Variants in NTRK2 observed in about 807,000 individuals in gnomAD.
NTRK2 encodes the protein BDNF/NT-3 growth factors receptor.
A neutral mutation model predicts 94.5 loss-of-function variants in NTRK2; 13 were observed. That is an observed-to-expected ratio of 0.14 (90% CI 0.09 to 0.22). NTRK2 has a LOEUF of 0.22. Ranked by LOEUF, NTRK2 falls within the 10% of genes least tolerant of loss-of-function variation. The pLI is 1.00. For synonymous variants in NTRK2, 372 were observed against 407.4 expected, an observed-to-expected ratio of 0.91 and a Z score of 1.05; for missense variants, 639 against 1,071.2, an observed-to-expected ratio of 0.60 and a Z score of 5.63.
At chr9:84,703,744 A>G (rs541383564) in intron 4 of NTRK2, among the ~76,000 whole-genome samples, 1 of 152,354 alleles carries the variant, frequency 6.6e-6, no homozygotes, top group Admixed American at 6.5e-5. Context: ...GTAAATTAAG[A>G]CATAAAACAT....
chr9:84,683,751 TG>T (rs1294484324), intron 2 of NTRK2, among the ~76,000 whole-genome samples: 1 of 152,196 alleles, frequency 6.6e-6, no homozygotes, highest in Non-Finnish European at 1.5e-5. Context: ...ACTAGATCCT[TG>T]AGGAATCACC....
intron 11 of NTRK2, among the ~76,000 whole-genome samples, chr9:84,748,942 A>T (rs1042274855): frequency 6.6e-6 from 1 of 152,146 alleles, no homozygotes; most frequent in Non-Finnish European, 1.5e-5. Context: ...ACGGAGTTAG[A>T]TCTGTATTGG....
intron 2 of NTRK2, among the ~76,000 whole-genome samples, chr9:84,674,491 A>G (rs1367304904): frequency 6.6e-6 from 1 of 152,160 alleles, no homozygotes; most frequent in African/African-American, 2.4e-5. Flanking sequence ...AAATCCTGGC[A>G]TTCACAAAGA....
intron 14 of NTRK2, among the ~76,000 whole-genome samples, chr9:84,897,039 T>A (rs1449660710): frequency 6.6e-6 from 1 of 152,154 alleles, no homozygotes; most frequent in East Asian, 1.9e-4. Flanking sequence ...ATTCAACATA[T>A]GAGGCAACCA....
At chr9:84,890,717 A>G (rs1459439369) in intron 14 of NTRK2, among the ~76,000 whole-genome samples, 1 of 152,220 alleles carries the variant, frequency 6.6e-6, no homozygotes, top group Non-Finnish European at 1.5e-5. Flanking sequence ...GAATGCCATG[A>G]TTAAAAAATG....
rs535249584 is a variant in NTRK2 at position 84,678,794 on chromosome 9, C to T, written c.212+7834C>T. On this transcript the variant is annotated intron_variant, in intron 2 of 18. Coordinates refer to ENST00000277120, the MANE Select transcript of NTRK2 (RefSeq NM_006180.6). ...ACCAGAACACTCTTTTTAGTTTACT[C>T]CCAATTTTACTTCAAAACCCTGCTG... is the stretch of plus-strand genomic sequence containing the variant. Among the ~76,000 whole-genome samples the T allele has an allele frequency of 3.7e-4, 57 of 152,198 alleles. 1 individual carries two copies. Among genetic ancestry groups the T allele is most frequent in the Non-Finnish European group, 7.5e-4 (51 of 68,016 alleles).
chr9:84,789,520 T>A (rs1310186806), intron 12 of NTRK2, among the ~76,000 whole-genome samples: 1 of 152,126 alleles, frequency 6.6e-6, no homozygotes, highest in Non-Finnish European at 1.5e-5. Flanking sequence ...CAAGTTTGAA[T>A]GTTAGACCTG....
intron 14 of NTRK2, among the ~76,000 whole-genome samples, chr9:84,926,484 G>A (rs887074471): frequency 2.0e-5 from 3 of 151,698 alleles, no homozygotes; most frequent in African/African-American, 4.8e-5. Context: ...TGCCCTCCTC[G>A]GCCTCCCAAA....
intron 14 of NTRK2, among the ~76,000 whole-genome samples, chr9:84,882,713 TGTGTGTGC>T (rs1466802269): frequency 6.9e-6 from 1 of 145,528 alleles, no homozygotes; most frequent in Non-Finnish European, 1.5e-5. Context: ...TGTGTGTGTG[TGTGTGTGC>T]GCGCGCGCGC....
At chr9:84,809,424 A>G (rs1441951555) in intron 12 of NTRK2, among the ~76,000 whole-genome samples, 1 of 148,410 alleles carries the variant, frequency 6.7e-6, no homozygotes, top group Non-Finnish European at 1.5e-5. Context: ...TATATAATAT[A>G]TACATATACT....
At chr9:84,993,811 G>A (rs867722638) in intron 17 of NTRK2, among the ~76,000 whole-genome samples, 16 of 152,012 alleles carry the variant, frequency 1.1e-4, no homozygotes, top group South Asian at 6.2e-4. Flanking sequence ...CTCTCCTGTC[G>A]CAGGACCTTT....
At chr9:84,792,967 G>T (rs112587972) in intron 12 of NTRK2, among the ~76,000 whole-genome samples, 58 of 152,240 alleles carry the variant, frequency 3.8e-4, no homozygotes, top group African/African-American at 1.1e-3. Flanking sequence ...ATAATGTGTA[G>T]CTGTAACTAC....
chr9:84,930,347 G>C (rs549018427), intron 14 of NTRK2, among the ~76,000 whole-genome samples: 1 of 152,306 alleles, frequency 6.6e-6, no homozygotes, highest in East Asian at 1.9e-4. Context: ...GGCACTGGTA[G>C]GGTGGAGAGG....
chr9:84,842,784 G>A (rs2074257421), intron 12 of NTRK2, among the ~76,000 whole-genome samples: 1 of 152,210 alleles, frequency 6.6e-6, no homozygotes, highest in Non-Finnish European at 1.5e-5. Context: ...CTAGATCTGA[G>A]TGAACATTTG....
chr9:84,808,854 G>A (rs542876544), intron 12 of NTRK2, among the ~76,000 whole-genome samples: 1 of 152,326 alleles, frequency 6.6e-6, no homozygotes, highest in South Asian at 2.1e-4. Context: ...CAGATTGGTG[G>A]TGGTACTTAC....
At position 85,021,560 on chromosome 9, in the gene NTRK2, C is replaced by A; in HGVS notation, c.*123C>A. ...TCCTTCACTCTGACAGTATTAACAT[C>A]AAAGACTCCGAGAAGCTCTCGAGGG... is the stretch of plus-strand genomic sequence containing the variant. On this transcript the variant is annotated 3_prime_UTR_variant, in exon 19 of 19. Coordinates refer to ENST00000277120, the MANE Select transcript of NTRK2 (RefSeq NM_006180.6). The A allele has an allele frequency of 1.1e-6, 1 of 947,394 alleles. No individual in the cohort carries two copies. Among genetic ancestry groups the A allele is most frequent in the Non-Finnish European group, 1.7e-6 (1 of 583,502 alleles). 58.7% of individuals were successfully genotyped at this position (947,394 alleles called of 1,614,324 possible).
chr9:84,799,242 C>CACCAA (rs2070075745), intron 12 of NTRK2, among the ~76,000 whole-genome samples: 1 of 152,136 alleles, frequency 6.6e-6, no homozygotes, highest in South Asian at 2.1e-4. Flanking sequence ...AAGATCTACT[C>CACCAA]TGTGCCTTCA....
intron 17 of NTRK2, among the ~76,000 whole-genome samples, chr9:84,984,451 G>A (rs373050820): frequency 1.3e-4 from 19 of 151,960 alleles, no homozygotes; most frequent in African/African-American, 2.9e-4. Flanking sequence ...CAGCCTGGGC[G>A]ACAGAGCGAG....
intron 12 of NTRK2, among the ~76,000 whole-genome samples, chr9:84,777,616 C>T (rs1172550657): frequency 1.3e-5 from 2 of 152,100 alleles, no homozygotes; most frequent in Non-Finnish European, 2.9e-5. Flanking sequence ...GGAACTAGTA[C>T]TCAAGGATAC....
Sources: allele counts gnomAD v4.1 joint callset (sites outside exome capture counted in the v4.1 genomes callset), GRCh38; gene constraint gnomAD v4.1.1; transcripts MANE v1.5; gene names NCBI Gene and HGNC (gene_info 2026-07-23, HGNC 2026-07-21).